Variants in PTPRE observed in about 807,000 individuals in gnomAD.
The protein encoded by PTPRE is protein tyrosine phosphatase receptor type E, also known as receptor-type tyrosine-protein phosphatase epsilon.
In PTPRE, 51 loss-of-function variants were observed where a neutral mutation model predicts 102.0. That is an observed-to-expected ratio of 0.50 (90% CI 0.40 to 0.63). The LOEUF (loss-of-function observed/expected upper bound fraction) is 0.63. PTPRE is among the 30% of genes least tolerant of loss of function. PTPRE has a pLI of 0.00. For missense variants in PTPRE, 752 were observed against 915.1 expected, an observed-to-expected ratio of 0.82 and a Z score of 2.30; for synonymous variants, 345 against 348.2, an observed-to-expected ratio of 0.99 and a Z score of 0.10.
chr10:128,049,275 G>C (rs546579493), intron 5 of PTPRE, among the ~76,000 whole-genome samples: 1 of 152,266 alleles, frequency 6.6e-6, no homozygotes, highest in East Asian at 1.9e-4. Flanking sequence ...GGGACAGGCT[G>C]TCTCCAATGG....
intron 20 of PTPRE, among the ~76,000 whole-genome samples, chr10:128,080,498 A>G (rs1851610716): frequency 6.6e-6 from 1 of 152,152 alleles, no homozygotes; most frequent in Admixed American, 6.5e-5. Context: ...CTGTCCATCC[A>G]CACCCAACGA....
chr10:127,995,849 A>ACACG (rs1232529203), intron 2 of PTPRE, among the ~76,000 whole-genome samples: 5 of 143,386 alleles, frequency 3.5e-5, no homozygotes, highest in Non-Finnish European at 3.1e-5. Context: ...ACACACACAC[A>ACACG]CACACACGCA....
At chr10:128,059,068 A>G (rs1011046979) in intron 7 of PTPRE, among the ~76,000 whole-genome samples, 1 of 152,238 alleles carries the variant, frequency 6.6e-6, no homozygotes, top group Non-Finnish European at 1.5e-5. Context: ...GTGACTTTTT[A>G]GAATAAAAAG....
intron 3 of PTPRE, among the ~76,000 whole-genome samples, chr10:128,043,882 G>A (rs191814675): frequency 4.9e-4 from 74 of 152,300 alleles, no homozygotes; most frequent in Middle Eastern, 3.4e-3. Flanking sequence ...GAACTGCCCC[G>A]TGGTGCATTT....
rs59495679 is a variant in PTPRE at position 128,070,911 on chromosome 10, C to T, written c.1387+10C>T. ...ATCCAGATCATCCCGTGTAAGGCACCCGTGGCGTGGCTTGGGCAGGGCTGG... is the reference window on the plus strand; with the variant it reads ...ATCCAGATCATCCCGTGTAAGGCACTCGTGGCGTGGCTTGGGCAGGGCTGG... On this transcript the variant is annotated intron_variant, in intron 15 of 20. Transcript: ENST00000254667. The surrounding 1 kb of genome is among the most constrained non-coding windows in gnomAD (Gnocchi z 4.8). 0.016 allele frequency: 26,007 copies of T among 1,610,974 alleles called. 482 individuals are homozygous for T. The highest frequency in any genetic ancestry group is 0.12 in the East Asian group (5,191 of 44,830).
chr10:128,031,578 T>A (rs1049522202), intron 2 of PTPRE, among the ~76,000 whole-genome samples: 1 of 152,186 alleles, frequency 6.6e-6, no homozygotes, highest in Non-Finnish European at 1.5e-5. Context: ...CCCTGCCAGG[T>A]AGCCTCTGAT....
intron 1 of PTPRE, among the ~76,000 whole-genome samples, chr10:127,981,932 G>C (rs1009003190): frequency 9.2e-5 from 14 of 152,194 alleles, no homozygotes; most frequent in East Asian, 3.8e-4. Context: ...GGCTCTTCTG[G>C]GGGGAGGATG....
chr10:128,002,281 C>T (rs1180462623), intron 2 of PTPRE, among the ~76,000 whole-genome samples: 5 of 152,074 alleles, frequency 3.3e-5, no homozygotes, highest in Admixed American at 2.0e-4. Flanking sequence ...CTGCGGGCAT[C>T]GAGGGGGAAC....
At chr10:127,994,652 G>A (rs1469130971) in intron 2 of PTPRE, among the ~76,000 whole-genome samples, 1 of 152,208 alleles carries the variant, frequency 6.6e-6, no homozygotes, top group Non-Finnish European at 1.5e-5. Context: ...AATTTTCAGT[G>A]ATTTTTCTCT....
At chr10:128,038,818 A>G (rs1203418220) in intron 2 of PTPRE, among the ~76,000 whole-genome samples, 2 of 152,200 alleles carry the variant, frequency 1.3e-5, no homozygotes, top group Non-Finnish European at 2.9e-5. Context: ...ATATATATAC[A>G]TATAAAAAAT....
At chr10:127,987,273 C>T (rs1227533124) in intron 2 of PTPRE, 10 of 1,153,230 alleles carry the variant, frequency 8.7e-6, no homozygotes, top group Non-Finnish European at 1.1e-5. Flanking sequence ...GTCTCGTCAC[C>T]GTGTTCACAG....
chr10:128,024,438 T>C (rs1392247885), intron 2 of PTPRE, among the ~76,000 whole-genome samples: 1 of 152,260 alleles, frequency 6.6e-6, no homozygotes, highest in Non-Finnish European at 1.5e-5. Context: ...TCTCCAGCTA[T>C]CTGTGGGTCT....
rs10537899 is a variant in PTPRE at position 128,084,303 on chromosome 10, CTTTTTT to C, written c.*1402_*1407del. 41 of 151,262 alleles carry C rather than the reference CTTTTTT, an allele frequency of 2.7e-4. 1 individual carries two copies. The highest frequency in any genetic ancestry group is 7.0e-4 in the African/African-American group (29 of 41,254). The allele number at this position is 151,262 out of a possible 1,614,324, so 9.4% of individuals were successfully genotyped here. A position where few individuals can be genotyped will look rare whatever the true frequency, so the allele number is the denominator to read the frequency against. On this transcript the variant is annotated 3_prime_UTR_variant, in exon 21 of 21. Coordinates refer to ENST00000254667, the MANE Select transcript of PTPRE (RefSeq NM_006504.6). ...GCATTTAACACGTGCATTTTTGGTACTTTTTTTTTTGTTTTCTAAAAGCTACATAAA... is the reference window on the plus strand; with the variant it reads ...GCATTTAACACGTGCATTTTTGGTACTTTTGTTTTCTAAAAGCTACATAAA...
In PTPRE at chr10:127,954,370, C is replaced by A. The variant is rs904082127; in HGVS notation, c.-30-27904C>A. Among the ~76,000 whole-genome samples the A allele has an allele frequency of 3.9e-5, 6 of 152,224 alleles. No homozygotes were observed. The East Asian group carries it at 1.2e-3, about 29-fold the overall frequency. On this transcript the variant is annotated intron_variant, in intron 1 of 20. Transcript: ENST00000254667. ...TGGTGGCAGGTTGATTACAATGCAG[C>A]ACCTTCATTGTGAAAGGGGCAGTGT...
intron 2 of PTPRE, among the ~76,000 whole-genome samples, chr10:128,030,941 C>T (rs7923834): frequency 6.6e-5 from 10 of 152,224 alleles, no homozygotes; most frequent in South Asian, 2.1e-4. Context: ...GTGCTTCCCC[C>T]GCCTAACACA....
chr10:128,078,357 G>A (rs906198038), intron 19 of PTPRE, among the ~76,000 whole-genome samples: 3 of 152,352 alleles, frequency 2.0e-5, no homozygotes, highest in Non-Finnish European at 2.9e-5. Flanking sequence ...CACGCCCAGG[G>A]GCAGATACGC....
chr10:127,942,072 T>G (rs1848288245), intron 1 of PTPRE, among the ~76,000 whole-genome samples: 2 of 151,756 alleles, frequency 1.3e-5, no homozygotes, highest in South Asian at 4.2e-4. Context: ...TCCCCTGAAA[T>G]GCAGGGCAAG....
In PTPRE at chr10:127,972,630, T is replaced by A. The variant is rs1034150222; in HGVS notation, c.-30-9644T>A. ...TTCTCTCACTGGATCATTACCATGA[T>A]GCCGTGGATCATCAGCAAGTATCGG... On this transcript the variant is annotated intron_variant, in intron 1 of 20. Coordinates refer to ENST00000254667, the MANE Select transcript of PTPRE (RefSeq NM_006504.6). Among the ~76,000 whole-genome samples, 8 of 152,346 alleles carry A rather than the reference T, an allele frequency of 5.3e-5. No homozygotes were observed. In the East Asian group the frequency reaches 1.5e-3, roughly 29 times the overall value.
At chr10:128,039,488 G>A (rs1443034929) in intron 2 of PTPRE, among the ~76,000 whole-genome samples, 1 of 152,198 alleles carries the variant, frequency 6.6e-6, no homozygotes, top group African/African-American at 2.4e-5. Flanking sequence ...AAAAAAAAGA[G>A]GGAAGAAGTA....
Sources: gnomAD v4.1 joint callset for allele counts (sites outside exome capture counted in the v4.1 genomes callset) on GRCh38, gnomAD v4.1.1 for gene constraint, Gnocchi (gnomAD v3.1) non-coding constraint, MANE v1.5 for transcripts, NCBI Gene and HGNC (gene_info 2026-07-23, HGNC 2026-07-21) for gene names.